The following TMEM117 variants were observed in gnomAD, a reference collection of about 807,000 sequenced individuals.
The protein encoded by TMEM117 is transmembrane protein 117.
TMEM117 carries 27 observed loss-of-function variants against 52.4 expected under a neutral mutation model. The ratio of observed to expected loss-of-function variants is 0.51; its 90% CI spans 0.38 to 0.71. TMEM117 has a LOEUF of 0.71. Ranked by LOEUF, TMEM117 falls within the 30% of genes least tolerant of loss-of-function variation. TMEM117 has a pLI of 0.00. For missense variants in TMEM117, 556 were observed against 630.5 expected (o/e 0.88, Z 1.26); for synonymous variants, 215 against 206.3 (o/e 1.04, Z -0.36).
chr12:44,046,715 C>CT (rs907908689), intron 3 of TMEM117, among the ~76,000 whole-genome samples: 2 of 152,178 alleles, frequency 1.3e-5, no homozygotes, highest in East Asian at 1.9e-4. Flanking sequence ...TTATTTCCTC[C>CT]TTTTTTTGTT....
intron 2 of TMEM117, among the ~76,000 whole-genome samples, chr12:43,875,766 G>A (rs1355829307): frequency 2.0e-5 from 3 of 152,074 alleles, no homozygotes; most frequent in Non-Finnish European, 2.9e-5. Flanking sequence ...TTATTGGGCC[G>A]GGCTAACAGT....
chr12:44,256,253 CAA>C (rs1555142785), intron 5 of TMEM117, among the ~76,000 whole-genome samples: 1 of 151,638 alleles, frequency 6.6e-6, no homozygotes, highest in Non-Finnish European at 1.5e-5. Flanking sequence ...GCATATAAAA[CAA>C]TGTATGTATG....
chr12:44,368,711 C>T (rs748201784), intron 6 of TMEM117, among the ~76,000 whole-genome samples: 1 of 152,054 alleles, frequency 6.6e-6, no homozygotes, highest in South Asian at 2.1e-4. Context: ...ACATTTTGTA[C>T]CAAATATGCA....
chr12:43,952,324 G>A (rs1363247439), intron 3 of TMEM117, among the ~76,000 whole-genome samples: 1 of 152,014 alleles, frequency 6.6e-6, no homozygotes, highest in African/African-American at 2.4e-5. Context: ...TTTAGAGAGT[G>A]GGTTATAACT....
intron 2 of TMEM117, among the ~76,000 whole-genome samples, chr12:43,908,623 A>C (rs1209105888): frequency 6.6e-6 from 1 of 151,982 alleles, no homozygotes; most frequent in South Asian, 2.1e-4. Flanking sequence ...AGAGACACAC[A>C]TAGGCTCAAA....
chr12:44,068,548 A>T (rs1947255814), intron 3 of TMEM117, among the ~76,000 whole-genome samples: 1 of 152,080 alleles, frequency 6.6e-6, no homozygotes, highest in African/African-American at 2.4e-5. Flanking sequence ...ACCTGAGGAG[A>T]GAGAGAAAAG....
In TMEM117 at chr12:44,214,433, G is replaced by A. The variant is rs931262302; in HGVS notation, c.608+3046G>A. ...TCCACCCACCTTGGGCTCCCAAAGC[G>A]CTGGGATTACAGGTGTGAGCCACCA... On this transcript the variant is annotated intron_variant, in intron 5 of 7. Coordinates refer to ENST00000266534, the MANE Select transcript of TMEM117 (RefSeq NM_032256.3). 6.6e-5 allele frequency among the ~76,000 whole-genome samples: 10 copies of A among 152,158 alleles called. No homozygotes were observed. In the South Asian group the frequency reaches 1.0e-3, roughly 16 times the overall value.
chr12:44,252,173 T>G (rs1336250206), intron 5 of TMEM117, among the ~76,000 whole-genome samples: 1 of 152,160 alleles, frequency 6.6e-6, no homozygotes, highest in Non-Finnish European at 1.5e-5. Context: ...AAGGCCTTTC[T>G]CCTTTTTTTC....
At chr12:44,299,879 A>G (rs1950817930) in intron 6 of TMEM117, 140 bp downstream of exon 6, 2 of 1,118,586 alleles carry the variant, frequency 1.8e-6, no homozygotes, top group Admixed American at 2.4e-5. Flanking sequence ...CTCTGTTTAT[A>G]TTTTCAGCTA....
the TMEM117 span, among the ~76,000 whole-genome samples, chr12:43,811,521 G>GT: frequency 6.6e-6 from 1 of 152,210 alleles, no homozygotes; most frequent in Non-Finnish European, 1.5e-5. Flanking sequence ...GTTTATTACA[G>GT]TCTGTGTTAC....
chr12:44,268,606 A>G (rs1401039114), intron 5 of TMEM117, among the ~76,000 whole-genome samples: 1 of 152,134 alleles, frequency 6.6e-6, no homozygotes, highest in East Asian at 1.9e-4. Flanking sequence ...TATTATAAAT[A>G]TATTTGTTAC....
chr12:44,285,480 C>T (rs1592666017), intron 5 of TMEM117, among the ~76,000 whole-genome samples: 1 of 152,174 alleles, frequency 6.6e-6, no homozygotes, highest in East Asian at 1.9e-4. Flanking sequence ...CATTTACTTA[C>T]TGAAAGCCAT....
chr12:44,080,237 G>A (rs1947459753), intron 3 of TMEM117, among the ~76,000 whole-genome samples: 2 of 152,102 alleles, frequency 1.3e-5, no homozygotes, highest in Non-Finnish European at 1.5e-5. Context: ...TCACAGTTCA[G>A]CATGGCTGAG....
At chr12:43,920,549 CTTTTTTTTT>C (rs60359835) in intron 2 of TMEM117, among the ~76,000 whole-genome samples, 83 of 86,040 alleles carry the variant, frequency 9.6e-4, no homozygotes, top group African/African-American at 2.8e-3. Context: ...CCTAGAGGGC[CTTTTTTTTT>C]TTTTTTTTTT....
intron 4 of TMEM117, among the ~76,000 whole-genome samples, chr12:44,192,511 T>C (rs545517453): frequency 2.6e-5 from 4 of 152,294 alleles, no homozygotes; most frequent in Admixed American, 2.6e-4. Context: ...GGGGTGACAC[T>C]GAATGGTGAT....
At chr12:44,274,951 A>G (rs1434298504) in intron 5 of TMEM117, among the ~76,000 whole-genome samples, 1 of 152,146 alleles carries the variant, frequency 6.6e-6, no homozygotes, top group Non-Finnish European at 1.5e-5. Flanking sequence ...AAAGTTGGCA[A>G]ATGGGATCAC....
chr12:43,807,507 A>G, the TMEM117 span, among the ~76,000 whole-genome samples: 13 of 152,298 alleles, frequency 8.5e-5, no homozygotes, highest in East Asian at 2.5e-3. Context: ...TCCTGACACA[A>G]TGGTTCACCC....
intron 2 of TMEM117, among the ~76,000 whole-genome samples, chr12:43,939,621 T>A (rs925161258): frequency 6.6e-6 from 1 of 152,208 alleles, no homozygotes; most frequent in African/African-American, 2.4e-5. Context: ...TCTACCACTT[T>A]GGCACAATGA....
intron 4 of TMEM117, among the ~76,000 whole-genome samples, chr12:44,152,049 CATATATTTATATTATAGATATAAT>C (rs1165227190): frequency 1.8e-5 from 2 of 109,590 alleles, no homozygotes; most frequent in East Asian, 2.6e-4. Flanking sequence ...TTATATTAAT[CATATATTTATATTATAGATATAAT>C]ATATATTTAT....
Sources: allele counts gnomAD v4.1 joint callset (sites outside exome capture counted in the v4.1 genomes callset), GRCh38; gene constraint gnomAD v4.1.1; transcripts MANE v1.5; gene names NCBI Gene and HGNC (gene_info 2026-07-23, HGNC 2026-07-21).